Variants in DLC1 observed in about 807,000 individuals in gnomAD.
DLC1 encodes DLC1 Rho GTPase activating protein.
Under a neutral mutation model 140.3 loss-of-function variants are expected in DLC1, and 54 were observed. That is an observed-to-expected ratio of 0.38 (90% confidence interval 0.31 to 0.48). DLC1 has a LOEUF of 0.48. Among genes scored for constraint, DLC1 ranks in the 20% least tolerant of loss-of-function variants. The pLI is 0.96. For synonymous variants in DLC1, 986 were observed against 728.1 expected (o/e 1.35, Z -5.70); for missense variants, 2,536 against 1,907.0 (o/e 1.33, Z -6.14).
upstream of DLC1, among the ~76,000 whole-genome samples, chr8:13,519,215 C>T (rs936733734): frequency 1.3e-5 from 2 of 151,120 alleles, no homozygotes; most frequent in Admixed American, 6.6e-5. Flanking sequence ...GCAAGCTCCG[C>T]CTCCTAGGTT....
intron 2 of DLC1, among the ~76,000 whole-genome samples, chr8:13,492,762 C>T (rs78242020): frequency 0.023 from 3,465 of 152,192 alleles, 117 homozygotes; most frequent in African/African-American, 0.073. Flanking sequence ...CTAGCGTTTT[C>T]ATTTATCTTA....
chr8:13,554,484 A>T (rs1447786240), intron 1 of DLC1, among the ~76,000 whole-genome samples: 4 of 152,110 alleles, frequency 2.6e-5, no homozygotes, highest in Non-Finnish European at 5.9e-5. Flanking sequence ...GCCATCTCAG[A>T]GGTAAAATTT....
chr8:13,249,180 G>A (rs57819298), intron 5 of DLC1, among the ~76,000 whole-genome samples: 33,837 of 151,504 alleles, frequency 0.22, 3,962 homozygotes, highest in South Asian at 0.34. Context: ...GGGTTCAAGC[G>A]GTTCTCCTGC....
chr8:13,249,725 C>T (rs1829923046), intron 5 of DLC1, among the ~76,000 whole-genome samples: 1 of 152,196 alleles, frequency 6.6e-6, no homozygotes, highest in South Asian at 2.1e-4. Flanking sequence ...GATTAAGAAA[C>T]AACCCAAACC....
At chr8:13,352,688 T>G (rs1834731994) in intron 4 of DLC1, among the ~76,000 whole-genome samples, 1 of 152,206 alleles carries the variant, frequency 6.6e-6, no homozygotes, top group African/African-American at 2.4e-5. Context: ...GAATTTACTT[T>G]TAAGGTATAA....
intron 2 of DLC1, among the ~76,000 whole-genome samples, chr8:13,419,456 C>T (rs1421183140): frequency 3.3e-5 from 5 of 152,178 alleles, no homozygotes; most frequent in Non-Finnish European, 2.9e-5. Context: ...GCCTTTTCTG[C>T]ATATGTTGAG....
intron 5 of DLC1, among the ~76,000 whole-genome samples, chr8:13,121,275 G>C (rs1242106456): frequency 6.6e-6 from 1 of 152,136 alleles, no homozygotes; most frequent in Non-Finnish European, 1.5e-5. Flanking sequence ...TCCAAACCAA[G>C]ATGCATTCTC....
At position 13,444,567 on chromosome 8, in the gene DLC1, C is replaced by T. The variant is rs75210409; in HGVS notation, c.1024-42948G>A. Among the ~76,000 whole-genome samples the T allele has an allele frequency of 9.0e-3, 1,372 of 152,202 alleles. 25 individuals carry two copies. Among genetic ancestry groups the T allele is most frequent in the South Asian group, 0.059 (285 of 4,812 alleles). Reference sequence around the variant, plus strand: ...TCTACACTACGAAAGGAACAAAGAACATTAGTATAATTTTAAAAAATCTTT... The same window carrying T: ...TCTACACTACGAAAGGAACAAAGAATATTAGTATAATTTTAAAAAATCTTT... On this transcript the variant is annotated intron_variant, in intron 2 of 17. Transcript: ENST00000276297.
chr8:13,275,955 A>C (rs1212314115), intron 5 of DLC1, among the ~76,000 whole-genome samples: 1 of 152,176 alleles, frequency 6.6e-6, no homozygotes, highest in East Asian at 1.9e-4. Context: ...ATTTCCTGAC[A>C]GTCACAAGGA....
chr8:13,086,004 T>C (rs564653795), intron 17 of DLC1, 73 bp from the exon 18 acceptor site: 6 of 1,579,266 alleles, frequency 3.8e-6, no homozygotes, highest in Admixed American at 1.8e-5. Flanking sequence ...GAGAAACATC[T>C]GTTTGCTAGT....
intron 1 of DLC1, among the ~76,000 whole-genome samples, chr8:13,547,139 T>A (rs987499063): frequency 1.3e-5 from 2 of 152,128 alleles, no homozygotes; most frequent in African/African-American, 4.8e-5. Context: ...GGAAGAATTA[T>A]CTTGTATGAA....
Position 13,098,449 on chromosome 8 carries a change from T to C in DLC1, c.3117A>G (p.Leu1039=). The change falls in exon 10 of 18, where the codon CTA becomes CTG. Residue 1039 remains leucine, a synonymous_variant. Coordinates refer to ENST00000276297, the MANE Select transcript of DLC1 (RefSeq NM_182643.3). ...GTGTGTATTTCTCCAGCAGGGCCGT[T>C]AGCTTTAGGAGTGAGTATTTCTGCA... ...NLLQKYSLLK[L]TALLEKYTPS... 6.2e-7 allele frequency: 1 copy of C among 1,614,110 alleles called. No individual in the cohort carries two copies. Among genetic ancestry groups the C allele is most frequent in the East Asian group, 2.2e-5 (1 of 44,876 alleles).
chr8:13,499,640 T>C lies in DLC1; in HGVS notation c.432A>G (p.Ala144=). ...KTSGQHMIQG[A]GSLEKALPII... is the part of the protein sequence containing the mutation. ...TGGGCAGTGCCTTTTCTAAGGAGCCTGCTCCTTGGATCATATGTTGGCCTG... is the reference window on the plus strand; with the variant it reads ...TGGGCAGTGCCTTTTCTAAGGAGCCCGCTCCTTGGATCATATGTTGGCCTG... Residue 144 remains alanine (A), a synonymous_variant, in exon 2 of 18, where the codon GCA becomes GCG. Transcript: ENST00000276297. 1 of 1,614,212 alleles carries C rather than the reference T, an allele frequency of 6.2e-7. No homozygotes were observed. Among genetic ancestry groups the C allele is most frequent in the East Asian group, 2.2e-5 (1 of 44,878 alleles).
At chr8:13,152,821 G>GTAGAAAAAAA (rs1554451763) in intron 5 of DLC1, among the ~76,000 whole-genome samples, 1 of 6,368 alleles carries the variant, frequency 1.6e-4, no homozygotes, top group African/African-American at 3.2e-4. Flanking sequence ...TGTCTCTGGG[G>GTAGAAAAAAA]AAGAAAAAAA....
chr8:13,143,891 G>C (rs1182039272), intron 5 of DLC1, among the ~76,000 whole-genome samples: 1 of 150,542 alleles, frequency 6.6e-6, no homozygotes, highest in African/African-American at 2.5e-5. Flanking sequence ...TTTCAGCCCA[G>C]AGCTGTTTGA....
intron 4 of DLC1, among the ~76,000 whole-genome samples, chr8:13,367,931 A>C (rs2117103348): frequency 6.6e-6 from 1 of 152,324 alleles, no homozygotes; most frequent in South Asian, 2.1e-4. Context: ...AGAAATAAAC[A>C]TAGACTCTCT....
intron 4 of DLC1, among the ~76,000 whole-genome samples, chr8:13,351,790 C>T (rs1366097818): frequency 6.6e-6 from 1 of 152,228 alleles, no homozygotes; most frequent in Non-Finnish European, 1.5e-5. Context: ...TGTCTATGTT[C>T]TGACACACTT....
chr8:13,405,917 TTTTCTTTCTTTCTTTCTTTCTTTCTTTC>T (rs71207150), intron 2 of DLC1, among the ~76,000 whole-genome samples: 1 of 84,944 alleles, frequency 1.2e-5, no homozygotes, highest in African/African-American at 4.7e-5. Context: ...CTTTCTTTTC[TTTTCTTTCTTTCTTTCTTTCTTTCTTTC>T]TTTCTTTCTT....
chr8:13,138,417 C>G (rs1264023386), intron 5 of DLC1, among the ~76,000 whole-genome samples: 1 of 152,200 alleles, frequency 6.6e-6, no homozygotes, highest in Non-Finnish European at 1.5e-5. Context: ...TTGGGCTTTA[C>G]TTAGCCCTAG....
Sources: gnomAD v4.1 joint callset for allele counts (sites outside exome capture counted in the v4.1 genomes callset) on GRCh38, gnomAD v4.1.1 for gene constraint, MANE v1.5 for transcripts, NCBI Gene and HGNC (gene_info 2026-07-23, HGNC 2026-07-21) for gene names.